L3MBTL4: variants seen among roughly 807,000 people sequenced by gnomAD.
L3MBTL4 encodes L3MBTL histone methyl-lysine binding protein 4.
In L3MBTL4, 70 loss-of-function variants were observed where a neutral mutation model predicts 84.5. That is an observed-to-expected ratio of 0.83 (90% CI 0.68 to 1.01). The LOEUF (loss-of-function observed/expected upper bound fraction) is 1.01. L3MBTL4 is among the 50% of genes least tolerant of loss of function. The probability of loss-of-function intolerance (pLI) is 0.00; values close to 1 mark genes in which losing one functional copy is unlikely to be tolerated. For synonymous variants in L3MBTL4, 274 were observed against 259.8 expected, an observed-to-expected ratio of 1.05 and a Z score of -0.52; for missense variants, 715 against 754.8, an observed-to-expected ratio of 0.95 and a Z score of 0.62.
intron 14 of L3MBTL4, among the ~76,000 whole-genome samples, chr18:6,099,044 C>T (rs1245716939): frequency 1.3e-5 from 2 of 152,190 alleles, no homozygotes; most frequent in African/African-American, 4.8e-5. Context: ...GCCTGCCTCA[C>T]CATGTGGCCT....
At chr18:6,156,711 CA>C (rs2043120160) in intron 13 of L3MBTL4, among the ~76,000 whole-genome samples, 1 of 152,216 alleles carries the variant, frequency 6.6e-6, no homozygotes, top group Admixed American at 6.5e-5. Context: ...GCCTTACTGT[CA>C]AACCACTGAG....
intron 1 of L3MBTL4, among the ~76,000 whole-genome samples, chr18:6,333,427 G>C (rs1164454387): frequency 1.3e-5 from 2 of 152,048 alleles, no homozygotes; most frequent in Admixed American, 1.3e-4. Context: ...ACAAAAATTA[G>C]CCAGGTGCAG....
chr18:6,401,748 T>A (rs568343380), intron 1 of L3MBTL4, among the ~76,000 whole-genome samples: 12 of 152,266 alleles, frequency 7.9e-5, no homozygotes, highest in Admixed American at 7.8e-4. Context: ...CATCCCCACA[T>A]ACTGTGTGGT....
At chr18:6,220,167 A>G (rs2046490516) in intron 10 of L3MBTL4, among the ~76,000 whole-genome samples, 1 of 152,220 alleles carries the variant, frequency 6.6e-6, no homozygotes, top group Admixed American at 6.5e-5. Context: ...ATATGGAAGC[A>G]AAAAAGGAAA....
chr18:6,253,067 A>T (rs112084886), intron 5 of L3MBTL4, among the ~76,000 whole-genome samples: 13,168 of 152,024 alleles, frequency 0.087, 1,837 homozygotes, highest in African/African-American at 0.29. Context: ...CTGGGTGTGG[A>T]GGTGTGCACC....
chr18:6,142,296 A>C (rs866401834), intron 13 of L3MBTL4, among the ~76,000 whole-genome samples: 3 of 152,238 alleles, frequency 2.0e-5, no homozygotes, highest in Admixed American at 6.5e-5. Flanking sequence ...AGTGTTCCAC[A>C]GTTCTTCCTT....
chr18:6,324,605 C>T (rs2051615664), intron 1 of L3MBTL4, among the ~76,000 whole-genome samples: 1 of 152,184 alleles, frequency 6.6e-6, no homozygotes, highest in South Asian at 2.1e-4. Context: ...CAGCTCATGG[C>T]ACTGCAGTTA....
rs546302229 is a variant in L3MBTL4, at chr18:6,338,198, G to C, written c.-90-26142C>G. Among the ~76,000 whole-genome samples, 28 of 152,068 alleles carry C rather than the reference G, an allele frequency of 1.8e-4. 2 individuals carry two copies. The highest frequency in any genetic ancestry group is 6.5e-4 in the African/African-American group (27 of 41,530). On this transcript the variant is annotated intron_variant, in intron 1 of 18. Coordinates refer to ENST00000317931, the MANE Select transcript of L3MBTL4 (RefSeq NM_001330559.2). ...GGAGAAAGAGGAGGAGGAGGAGGAA[G>C]AGAGAAGAAAAGCGGAGGAGGAGAA...
At chr18:6,356,134 C>A (rs1455649130) in intron 1 of L3MBTL4, among the ~76,000 whole-genome samples, 1 of 152,210 alleles carries the variant, frequency 6.6e-6, no homozygotes, top group Non-Finnish European at 1.5e-5. Flanking sequence ...TGTGTCTGTA[C>A]CTTTTAAAAT....
At chr18:6,214,857 T>G (rs950131260) in intron 11 of L3MBTL4, among the ~76,000 whole-genome samples, 6 of 152,198 alleles carry the variant, frequency 3.9e-5, no homozygotes, top group African/African-American at 7.2e-5. Flanking sequence ...TTTATTTTCT[T>G]GTCATTTTCC....
At position 6,219,979 on chromosome 18, in the gene L3MBTL4, T is replaced by C. The variant is rs73385913; in HGVS notation, c.785-4144A>G. Among the ~76,000 whole-genome samples the C allele has an allele frequency of 5.1e-3, 768 of 152,060 alleles. 10 individuals carry two copies. Among genetic ancestry groups the C allele is most frequent in the African/African-American group, 0.018 (740 of 41,450 alleles). On this transcript the variant is annotated intron_variant, in intron 10 of 18. Coordinates refer to ENST00000317931, the MANE Select transcript of L3MBTL4 (RefSeq NM_001330559.2). ...TACTCAGGAAGCTGGAGTGGGAGGA[T>C]CACTTGAGCCGCTGAGTTCAAGACC...
At chr18:6,265,864 G>T (rs1021377019) in intron 4 of L3MBTL4, among the ~76,000 whole-genome samples, 31 of 152,202 alleles carry the variant, frequency 2.0e-4, no homozygotes, top group Admixed American at 2.0e-3. Flanking sequence ...CAACGTTCCA[G>T]TTAGACAGCA....
intron 12 of L3MBTL4, among the ~76,000 whole-genome samples, chr18:6,196,388 A>G (rs946546152): frequency 6.6e-6 from 1 of 152,002 alleles, no homozygotes; most frequent in Non-Finnish European, 1.5e-5. Context: ...TGATCTCCTG[A>G]CCTCATGATC....
chr18:6,263,544 C>G (rs974887190), intron 5 of L3MBTL4, among the ~76,000 whole-genome samples: 1 of 152,192 alleles, frequency 6.6e-6, no homozygotes, highest in Admixed American at 6.5e-5. Flanking sequence ...GAAACACATC[C>G]AAACAGATCC....
chr18:6,301,330 T>C (rs2050328858), intron 4 of L3MBTL4, among the ~76,000 whole-genome samples: 1 of 152,208 alleles, frequency 6.6e-6, no homozygotes, highest in Non-Finnish European at 1.5e-5. Context: ...AGCTGTCTCC[T>C]TGTGTAGCAA....
At chr18:6,294,353 T>G (rs374898118) in intron 4 of L3MBTL4, among the ~76,000 whole-genome samples, 4 of 152,140 alleles carry the variant, frequency 2.6e-5, no homozygotes, top group African/African-American at 9.7e-5. Flanking sequence ...ATGGTCCAAA[T>G]ATTCACATGA....
intron 16 of L3MBTL4, chr18:6,031,845 G>A: frequency 1.0e-6 from 1 of 984,502 alleles, no homozygotes. Flanking sequence ...AGATTTAGCA[G>A]GCACAAGTAC....
intron 16 of L3MBTL4, among the ~76,000 whole-genome samples, chr18:5,973,423 A>G (rs2052751199): frequency 6.6e-6 from 1 of 152,246 alleles, no homozygotes; most frequent in African/African-American, 2.4e-5. Context: ...ACAGGCTTTT[A>G]AAAGTTAGGG....
intron 16 of L3MBTL4, among the ~76,000 whole-genome samples, chr18:6,012,784 CAAAT>C (rs1019401733): frequency 1.0e-3 from 154 of 152,170 alleles, no homozygotes; most frequent in African/African-American, 3.5e-3. Context: ...AAGAAACAAA[CAAAT>C]AAACGAACAA....
Sources: allele counts gnomAD v4.1 joint callset (sites outside exome capture counted in the v4.1 genomes callset), GRCh38; gene constraint gnomAD v4.1.1; transcripts MANE v1.5; gene names NCBI Gene and HGNC (gene_info 2026-07-23, HGNC 2026-07-21).